Variants in PPM1L observed in about 807,000 individuals in gnomAD.
PPM1L encodes protein phosphatase 1L.
PPM1L carries 13 observed loss-of-function variants against 31.4 expected under a neutral mutation model. The observed-to-expected ratio is 0.41, with a 90% confidence interval of 0.27 to 0.66. The LOEUF (loss-of-function observed/expected upper bound fraction) is 0.66. Ranked by LOEUF, PPM1L falls within the 30% of genes least tolerant of loss-of-function variation. The pLI, the probability that PPM1L is intolerant of heterozygous loss-of-function variation, is 0.29. For missense variants in PPM1L, 326 were observed against 453.7 expected (o/e 0.72, Z 2.56); for synonymous variants, 184 against 175.4 (o/e 1.05, Z -0.39).
Position 160,893,583 on chromosome 3 carries a change from T to C in PPM1L, c.400-68153T>C, listed in dbSNP as rs537976342. On this transcript the variant is annotated intron_variant, in intron 1 of 3. Coordinates refer to ENST00000498165, the MANE Select transcript of PPM1L (RefSeq NM_139245.4). ...AATGAAATAGACCAAGATTATCCTG[T>C]ACCCCTGATGCCCCAATAAATTGGT... 2.6e-5 allele frequency among the ~76,000 whole-genome samples: 4 copies of C among 152,322 alleles called. No individual in the cohort carries two copies. The South Asian group carries it at 8.3e-4, about 32-fold the overall frequency.
rs556037712 is a variant in PPM1L, at chr3:160,796,504, TA to T, written c.399+39798del. Among the ~76,000 whole-genome samples, 1,133 of 152,328 alleles carry T rather than the reference TA, an allele frequency of 7.4e-3. 11 individuals are homozygous for T. Among genetic ancestry groups the T allele is most frequent in the African/African-American group, 0.026 (1,096 of 41,580 alleles). On this transcript the variant is annotated intron_variant, in intron 1 of 3. Transcript: ENST00000498165. Reference sequence around the variant, plus strand: ...AGAATCCCTGAGAAGAATGTACACATAGAAGAATCATAAGGATGTCAGTGGT... The same window carrying T: ...AGAATCCCTGAGAAGAATGTACACATGAAGAATCATAAGGATGTCAGTGGT...
intron 1 of PPM1L, among the ~76,000 whole-genome samples, chr3:160,789,459 T>C (rs2108072121): frequency 6.6e-6 from 1 of 152,104 alleles, no homozygotes; most frequent in Admixed American, 6.6e-5. Flanking sequence ...TGACTTGTGC[T>C]TTTTGAATAA....
intron 1 of PPM1L, among the ~76,000 whole-genome samples, chr3:160,843,233 T>C (rs1031304847): frequency 6.6e-6 from 1 of 151,548 alleles, no homozygotes; most frequent in East Asian, 1.9e-4. Context: ...TTCTAAACAA[T>C]AGTGTTCCTA....
At chr3:160,778,110 ATT>A (rs754345418) in intron 1 of PPM1L, among the ~76,000 whole-genome samples, 64 of 151,856 alleles carry the variant, frequency 4.2e-4, no homozygotes, top group Non-Finnish European at 1.5e-4. Flanking sequence ...TTCTCTAATG[ATT>A]TGTGTAACTG....
In PPM1L at chr3:160,871,983, A is replaced by G. The variant is rs760046878; in HGVS notation, c.400-89753A>G. ...TCTTATCCAGCAGTCATTGAACACT[A>G]AAGCTGTGTTATGTGCAACACAGAT... On this transcript the variant is annotated intron_variant, in intron 1 of 3. Coordinates refer to ENST00000498165, the MANE Select transcript of PPM1L (RefSeq NM_139245.4). Among the ~76,000 whole-genome samples the G allele has an allele frequency of 6.6e-5, 10 of 152,172 alleles. No individual in the cohort carries two copies. The East Asian group carries it at 1.9e-3, about 29-fold the overall frequency.
chr3:161,065,363 C>T (rs767840401), intron 2 of PPM1L, 40 bp from the exon 3 acceptor site: 106 of 1,599,052 alleles, frequency 6.6e-5, no homozygotes, highest in Non-Finnish European at 8.3e-5. Context: ...CCTGAATGCA[C>T]TGCTGACCTC....
intron 1 of PPM1L, among the ~76,000 whole-genome samples, chr3:160,785,620 T>C (rs893258834): frequency 1.2e-4 from 18 of 152,178 alleles, no homozygotes; most frequent in African/African-American, 4.3e-4. Flanking sequence ...TAGAAGCATG[T>C]TATGTAAACT....
intron 1 of PPM1L, among the ~76,000 whole-genome samples, chr3:160,839,645 G>A (rs1713811870): frequency 6.6e-6 from 1 of 152,158 alleles, no homozygotes. Flanking sequence ...CTGCAGTTTA[G>A]AATATAGGTG....
intron 1 of PPM1L, among the ~76,000 whole-genome samples, chr3:160,890,466 T>G (rs1454747162): frequency 6.6e-6 from 1 of 151,982 alleles, no homozygotes. Flanking sequence ...ACCACACTAC[T>G]CAAGGAAATA....
intron 1 of PPM1L, among the ~76,000 whole-genome samples, chr3:160,900,294 G>A (rs1395936705): frequency 6.6e-6 from 1 of 151,976 alleles, no homozygotes; most frequent in Non-Finnish European, 1.5e-5. Flanking sequence ...TCATATGATT[G>A]ATTTTATTCC....
At position 161,070,496 on chromosome 3, in the gene PPM1L, G is replaced by A. The variant is rs1719873672; in HGVS notation, c.*1339G>A. On this transcript the variant is annotated 3_prime_UTR_variant, in exon 4 of 4. Transcript: ENST00000498165. ...TTCAAGCGTGAACCCATATTGATAA[G>A]TGGGCCAGAATTATTTAGGGGCCTG... 1 of 152,230 alleles carries A rather than the reference G, an allele frequency of 6.6e-6. No homozygotes were observed. Among genetic ancestry groups the A allele is most frequent in the Non-Finnish European group, 1.5e-5 (1 of 68,050 alleles). 9.4% of individuals were successfully genotyped at this position (152,230 alleles called of 1,614,324 possible). A position where few individuals can be genotyped will look rare whatever the true frequency, so the allele number is the denominator to read the frequency against.
At chr3:160,827,467 G>A (rs909687549) in intron 1 of PPM1L, among the ~76,000 whole-genome samples, 2 of 151,694 alleles carry the variant, frequency 1.3e-5, no homozygotes, top group Non-Finnish European at 2.9e-5. Context: ...GTGTGTGTGT[G>A]TGTGTGTGTG....
At position 160,765,888 on chromosome 3, in the gene PPM1L, T is replaced by C. The variant is rs144659733; in HGVS notation, c.399+9181T>C. The stretch of plus-strand genomic sequence containing the variant: ...TATTGTTAATTTTAAGCAGCAAATA[T>C]CATTTTCTCATTTGTTTATAATACT... On this transcript the variant is annotated intron_variant, in intron 1 of 3. Coordinates refer to ENST00000498165, the MANE Select transcript of PPM1L (RefSeq NM_139245.4). 5.4e-4 allele frequency among the ~76,000 whole-genome samples: 82 copies of C among 152,290 alleles called. No individual in the cohort carries two copies. The East Asian group carries it at 0.012, about 21-fold the overall frequency.
chr3:160,812,266 G>A (rs530489868), intron 1 of PPM1L, among the ~76,000 whole-genome samples: 1 of 152,182 alleles, frequency 6.6e-6, no homozygotes, highest in Non-Finnish European at 1.5e-5. Context: ...ATATAATTGT[G>A]CATTAATTGG....
intron 1 of PPM1L, among the ~76,000 whole-genome samples, chr3:160,906,029 T>C (rs1713742815): frequency 6.6e-6 from 1 of 152,126 alleles, no homozygotes; most frequent in African/African-American, 2.4e-5. Context: ...TAATTTTTAC[T>C]AGTTTTCTTT....
At chr3:160,848,784 T>C (rs1418839226) in intron 1 of PPM1L, among the ~76,000 whole-genome samples, 1 of 152,238 alleles carries the variant, frequency 6.6e-6, no homozygotes, top group Non-Finnish European at 1.5e-5. Flanking sequence ...ATTCCCCTTC[T>C]TTCCTGCTAA....
At chr3:160,835,548 A>C (rs540093800) in intron 1 of PPM1L, among the ~76,000 whole-genome samples, 1 of 152,118 alleles carries the variant, frequency 6.6e-6, no homozygotes, top group South Asian at 2.1e-4. Flanking sequence ...CCCCTTCTCT[A>C]AGATACTCCA....
chr3:161,022,859 T>C (rs909334304), intron 2 of PPM1L, among the ~76,000 whole-genome samples: 1 of 151,924 alleles, frequency 6.6e-6, no homozygotes, highest in African/African-American at 2.4e-5. Flanking sequence ...AGAGATGGGG[T>C]TTCACTGTGT....
intron 1 of PPM1L, among the ~76,000 whole-genome samples, chr3:160,935,276 T>C (rs189617533): frequency 6.6e-6 from 1 of 152,352 alleles, no homozygotes; most frequent in African/African-American, 2.4e-5. Context: ...TCTGTCACCC[T>C]GAAGATGTAG....
Sources: allele counts gnomAD v4.1 joint callset (sites outside exome capture counted in the v4.1 genomes callset), GRCh38; gene constraint gnomAD v4.1.1; transcripts MANE v1.5; gene names NCBI Gene and HGNC (gene_info 2026-07-23, HGNC 2026-07-21).